Variants in JMJD1C observed in about 807,000 individuals in gnomAD.
JMJD1C encodes the protein jumonji domain containing 1C.
JMJD1C carries 31 observed loss-of-function variants against 245.3 expected under a neutral mutation model. The ratio of observed to expected loss-of-function variants is 0.13; its 90% CI spans 0.09 to 0.17. JMJD1C has a LOEUF of 0.17. Among genes scored for constraint, JMJD1C ranks in the 10% least tolerant of loss-of-function variants. The pLI is 1.00. For synonymous variants in JMJD1C, 1,057 were observed against 1,017.4 expected, an observed-to-expected ratio of 1.04 and a Z score of -0.74; for missense variants, 2,691 against 3,000.2, an observed-to-expected ratio of 0.90 and a Z score of 2.41.
At chr10:63,341,092 T>C (rs1402009040) in intron 2 of JMJD1C, among the ~76,000 whole-genome samples, 5 of 152,216 alleles carry the variant, frequency 3.3e-5, no homozygotes, top group Non-Finnish European at 1.5e-5. Flanking sequence ...AGTGAACAAA[T>C]GCCACTTAAT....
intron 3 of JMJD1C, among the ~76,000 whole-genome samples, chr10:63,264,237 T>G (rs950019528): frequency 2.0e-5 from 3 of 151,960 alleles, no homozygotes; most frequent in Non-Finnish European, 2.9e-5. Flanking sequence ...AATTTCCCCT[T>G]TAAAAAAAGA....
intron 2 of JMJD1C, among the ~76,000 whole-genome samples, chr10:63,363,100 A>G (rs1046338948): frequency 3.3e-5 from 5 of 152,090 alleles, no homozygotes; most frequent in African/African-American, 9.7e-5. Context: ...CACTTGTCCT[A>G]TCAGAAATTC....
Position 63,465,935 on chromosome 10 carries a change from C to T in JMJD1C, c.-273G>A, listed in dbSNP as rs1034166900. On this transcript the variant is annotated 5_prime_UTR_variant, in exon 1 of 26. Transcript: ENST00000399262. ...AAAACCCAACGCGGCCGTCGAAGAC[C>T]CCGAGGCAGCCCAGCCGCCGCCACC... The T allele has an allele frequency of 5.3e-6, 3 of 564,614 alleles. No individual in the cohort carries two copies. Among genetic ancestry groups the T allele is most frequent in the East Asian group, 3.2e-5 (1 of 30,860 alleles). 35.0% of individuals were successfully genotyped at this position (564,614 alleles called of 1,614,324 possible). A position where few individuals can be genotyped will look rare whatever the true frequency, so the allele number is the denominator to read the frequency against.
chr10:63,382,032 GAA>G (rs1225625417), intron 1 of JMJD1C, among the ~76,000 whole-genome samples: 2 of 152,108 alleles, frequency 1.3e-5, no homozygotes, highest in African/African-American at 4.8e-5. Flanking sequence ...GCCACAGAGT[GAA>G]ACACCATCTC....
At chr10:63,230,348 G>T (rs1160086313) in intron 3 of JMJD1C, among the ~76,000 whole-genome samples, 1 of 152,030 alleles carries the variant, frequency 6.6e-6, no homozygotes. Context: ...CTCCAGCCTG[G>T]GCAACAGAGC....
chr10:63,267,710 G>A (rs1265592488), intron 2 of JMJD1C, among the ~76,000 whole-genome samples: 1 of 152,116 alleles, frequency 6.6e-6, no homozygotes, highest in Non-Finnish European at 1.5e-5. Flanking sequence ...ATGTTCAGTT[G>A]AAACAAAATG....
At chr10:63,486,964 G>T (rs886466874) in intron 1 of JMJD1C, among the ~76,000 whole-genome samples, 1 of 152,158 alleles carries the variant, frequency 6.6e-6, no homozygotes, top group African/African-American at 2.4e-5. Context: ...AAGCTAACTT[G>T]CCAAAGGTCA....
At chr10:63,296,866 AT>A (rs1255349929) in intron 2 of JMJD1C, among the ~76,000 whole-genome samples, 1 of 152,004 alleles carries the variant, frequency 6.6e-6, no homozygotes, top group Non-Finnish European at 1.5e-5. Context: ...AGGATAGACA[AT>A]TTTTTTTAAT....
intron 3 of JMJD1C, among the ~76,000 whole-genome samples, chr10:63,248,681 A>C (rs1852618313): frequency 1.3e-5 from 2 of 152,306 alleles, no homozygotes; most frequent in East Asian, 3.8e-4. Flanking sequence ...GAAACTTCTC[A>C]GAAAACTAAA....
chr10:63,479,025 A>G (rs938559380), intron 1 of JMJD1C, among the ~76,000 whole-genome samples: 9 of 152,170 alleles, frequency 5.9e-5, no homozygotes, highest in African/African-American at 1.7e-4. Context: ...ATAAGCAAGA[A>G]TTGTTCTATT....
chr10:63,439,554 G>C (rs1398830567), intron 1 of JMJD1C, among the ~76,000 whole-genome samples: 2 of 152,044 alleles, frequency 1.3e-5, no homozygotes, highest in African/African-American at 4.8e-5. Flanking sequence ...CTTACCATTT[G>C]TTCATACATT....
At chr10:63,361,430 T>A (rs1945316311) in intron 2 of JMJD1C, among the ~76,000 whole-genome samples, 1 of 152,004 alleles carries the variant, frequency 6.6e-6, no homozygotes, top group Admixed American at 6.6e-5. Flanking sequence ...TCTCAATAAA[T>A]AAGTAAGTAC....
intron 2 of JMJD1C, among the ~76,000 whole-genome samples, chr10:63,335,804 C>G (rs774986472): frequency 2.0e-5 from 3 of 152,054 alleles, no homozygotes; most frequent in Non-Finnish European, 4.4e-5. Flanking sequence ...AACCACGGCG[C>G]CTGGCATAAT....
intron 2 of JMJD1C, among the ~76,000 whole-genome samples, chr10:63,323,784 G>A (rs1449852453): frequency 6.6e-6 from 1 of 152,144 alleles, no homozygotes; most frequent in African/African-American, 2.4e-5. Context: ...CCAATAGAGT[G>A]TGAGCATATT....
intron 1 of JMJD1C, among the ~76,000 whole-genome samples, chr10:63,450,360 T>C (rs577357937): frequency 2.6e-5 from 4 of 152,076 alleles, no homozygotes; most frequent in African/African-American, 7.2e-5. Flanking sequence ...AGCAGCATTA[T>C]TACCATAGCA....
intron 1 of JMJD1C, among the ~76,000 whole-genome samples, chr10:63,511,782 T>A (rs1954880572): frequency 6.6e-6 from 1 of 152,192 alleles, no homozygotes; most frequent in Non-Finnish European, 1.5e-5. Context: ...CACCAACGTT[T>A]TGTATACACA....
intron 1 of JMJD1C, among the ~76,000 whole-genome samples, chr10:63,444,895 A>T (rs1951614609): frequency 6.6e-6 from 1 of 152,148 alleles, no homozygotes; most frequent in African/African-American, 2.4e-5. Context: ...ATTTAATTCT[A>T]ATGCAGAAAA....
intron 2 of JMJD1C, among the ~76,000 whole-genome samples, chr10:63,303,321 G>T (rs775208849): frequency 6.6e-6 from 1 of 152,052 alleles, no homozygotes; most frequent in South Asian, 2.1e-4. Flanking sequence ...TGTTGTTGTT[G>T]TTCAGACGGA....
intron 1 of JMJD1C, among the ~76,000 whole-genome samples, chr10:63,401,046 A>C (rs1370891464): frequency 6.7e-6 from 1 of 150,220 alleles, no homozygotes; most frequent in Non-Finnish European, 1.5e-5. Context: ...TTTAGTAGAG[A>C]CGAAGTTTCG....
Sources: allele counts gnomAD v4.1 joint callset (sites outside exome capture counted in the v4.1 genomes callset), GRCh38; gene constraint gnomAD v4.1.1; transcripts MANE v1.5; gene names NCBI Gene and HGNC (gene_info 2026-07-23, HGNC 2026-07-21).